Variants in ADGRL3 observed in about 807,000 individuals in gnomAD.
ADGRL3 encodes calcium-independent alpha-latrotoxin receptor 3.
Under a neutral mutation model 153.5 loss-of-function variants are expected in ADGRL3, and 62 were observed. The observed-to-expected ratio is 0.40, with a 90% confidence interval of 0.33 to 0.50. ADGRL3 has a LOEUF of 0.50. Ranked by LOEUF, ADGRL3 falls within the 20% of genes least tolerant of loss-of-function variation. ADGRL3 has a pLI of 0.47. For synonymous variants in ADGRL3, 710 were observed against 672.5 expected (o/e 1.06, Z -0.86); for missense variants, 1,641 against 1,859.4 (o/e 0.88, Z 2.16).
intron 19 of ADGRL3, among the ~76,000 whole-genome samples, chr4:61,984,424 T>C (rs976713071): frequency 6.6e-6 from 1 of 152,084 alleles, no homozygotes. Context: ...ACACCATCAG[T>C]GGCCAGACAC....
intron 11 of ADGRL3, among the ~76,000 whole-genome samples, chr4:61,901,090 G>A (rs763025081): frequency 1.2e-3 from 179 of 152,142 alleles, no homozygotes; most frequent in Non-Finnish European, 1.7e-3. Context: ...GTATAGTTCT[G>A]TATAGCTTCT....
chr4:61,294,662 C>T (rs950605052), intron 1 of ADGRL3, among the ~76,000 whole-genome samples: 12 of 151,972 alleles, frequency 7.9e-5, no homozygotes, highest in African/African-American at 2.7e-4. Context: ...GGCATCTTAT[C>T]ATTGTTGAAA....
Position 62,071,141 on chromosome 4 carries a change from C to G in ADGRL3, c.*233C>G, listed in dbSNP as rs761380302. The G allele has an allele frequency of 5.3e-5, 23 of 431,260 alleles. No homozygotes were observed. Among genetic ancestry groups the G allele is most frequent in the Non-Finnish European group, 9.0e-5 (22 of 243,326 alleles). The allele number at this position is 431,260 out of a possible 1,614,324, so 26.7% of individuals were successfully genotyped here. A position where few individuals can be genotyped will look rare whatever the true frequency, so the allele number is the denominator to read the frequency against. ...CCATCCTTTCTTGTCCTTTCCCCTTCAGATGGAGACTTCATTATGTTAATG... is the reference window on the plus strand; with the variant it reads ...CCATCCTTTCTTGTCCTTTCCCCTTGAGATGGAGACTTCATTATGTTAATG... On this transcript the variant is annotated 3_prime_UTR_variant, in exon 27 of 27. Transcript: ENST00000683033.
At chr4:61,876,031 AATAG>A (rs1008019379) in intron 9 of ADGRL3, among the ~76,000 whole-genome samples, 1 of 152,070 alleles carries the variant, frequency 6.6e-6, no homozygotes, top group Non-Finnish European at 1.5e-5. Context: ...CTAAAAAAAA[AATAG>A]AAAAGAAAAA....
chr4:61,321,876 A>T (rs2095363738), intron 1 of ADGRL3, among the ~76,000 whole-genome samples: 1 of 152,134 alleles, frequency 6.6e-6, no homozygotes, highest in African/African-American at 2.4e-5. Flanking sequence ...AAAATAATAT[A>T]AATTGGTTAG....
At chr4:61,217,719 A>G (rs1286196213) in intron 1 of ADGRL3, among the ~76,000 whole-genome samples, 1 of 152,176 alleles carries the variant, frequency 6.6e-6, no homozygotes, top group Admixed American at 6.5e-5. Flanking sequence ...CTTTGGAGAT[A>G]TGTATCTGTT....
chr4:61,878,294 A>G (rs2098487708), intron 9 of ADGRL3, among the ~76,000 whole-genome samples: 1 of 152,182 alleles, frequency 6.6e-6, no homozygotes, highest in South Asian at 2.1e-4. Flanking sequence ...AGTACTCAAG[A>G]TTAGAACTTC....
At chr4:61,240,339 TG>T (rs1174175685) in intron 1 of ADGRL3, among the ~76,000 whole-genome samples, 1 of 152,128 alleles carries the variant, frequency 6.6e-6, no homozygotes, top group Non-Finnish European at 1.5e-5. Flanking sequence ...ACTGTCACAT[TG>T]GGTCTTAGGT....
intron 8 of ADGRL3, 96 bp from the exon 9 acceptor site, chr4:61,813,713 A>G (rs2097656844): frequency 7.8e-6 from 11 of 1,403,664 alleles, no homozygotes; most frequent in Non-Finnish European, 1.1e-5. Flanking sequence ...CTATTAATTC[A>G]GTTTGGAGTG....
intron 11 of ADGRL3, among the ~76,000 whole-genome samples, chr4:61,900,248 T>G: frequency 6.6e-6 from 1 of 152,206 alleles, no homozygotes; most frequent in East Asian, 1.9e-4. Flanking sequence ...AGTTGCTGAC[T>G]TTAGTTCAAA....
At chr4:61,580,172 C>A (rs921184710) in intron 4 of ADGRL3, among the ~76,000 whole-genome samples, 1 of 149,010 alleles carries the variant, frequency 6.7e-6, no homozygotes, top group African/African-American at 2.4e-5. Context: ...ATGTAAGAAA[C>A]TCTTTTAGAA....
chr4:61,910,174 A>G (rs2098715631), intron 12 of ADGRL3, among the ~76,000 whole-genome samples: 1 of 151,840 alleles, frequency 6.6e-6, no homozygotes, highest in African/African-American at 2.4e-5. Flanking sequence ...TTGTGGAAGA[A>G]TGGATGGATC....
chr4:61,435,813 C>A (rs1204134031), intron 2 of ADGRL3, among the ~76,000 whole-genome samples: 1 of 150,362 alleles, frequency 6.7e-6, no homozygotes, highest in Non-Finnish European at 1.5e-5. Context: ...TCCAATTAGA[C>A]ACCATTATTT....
At chr4:61,953,969 A>T (rs1163094392) in intron 17 of ADGRL3, among the ~76,000 whole-genome samples, 1 of 151,898 alleles carries the variant, frequency 6.6e-6, no homozygotes, top group Non-Finnish European at 1.5e-5. Context: ...TCTCATTGTC[A>T]TTCTGGTCCT....
intron 1 of ADGRL3, among the ~76,000 whole-genome samples, chr4:61,249,933 G>A (rs1758587628): frequency 6.6e-6 from 1 of 152,056 alleles, no homozygotes; most frequent in Admixed American, 6.6e-5. Context: ...TACCATTACT[G>A]TAACATTAAA....
rs548610359 is a variant in ADGRL3, at chr4:61,920,183, T to C, written c.2112+7426T>C. Among the ~76,000 whole-genome samples, 15 of 152,324 alleles carry C rather than the reference T, an allele frequency of 9.8e-5. No homozygotes were observed. In the East Asian group the frequency reaches 1.5e-3, roughly 16 times the overall value. On this transcript the variant is annotated intron_variant, in intron 13 of 26. Coordinates refer to ENST00000683033, the MANE Select transcript of ADGRL3 (RefSeq NM_001387552.1). The stretch of plus-strand genomic sequence containing the variant: ...TAAATACATAGAATATAAATAGATA[T>C]TATTTCTATGCAAATGCAAGAGAAT...
chr4:61,818,521 G>A (rs545858951), intron 9 of ADGRL3, among the ~76,000 whole-genome samples: 1 of 152,312 alleles, frequency 6.6e-6, no homozygotes, highest in African/African-American at 2.4e-5. Context: ...CAGGGCTGAA[G>A]GGGGATGGTG....
At chr4:61,314,139 C>G (rs1273820508) in intron 1 of ADGRL3, among the ~76,000 whole-genome samples, 8 of 151,594 alleles carry the variant, frequency 5.3e-5, no homozygotes, top group Non-Finnish European at 5.9e-5. Context: ...CTGTACTTGT[C>G]TTTTTCTTTA....
At chr4:62,044,778 T>G (rs1459665374) in intron 25 of ADGRL3, among the ~76,000 whole-genome samples, 3 of 150,566 alleles carry the variant, frequency 2.0e-5, no homozygotes, top group African/African-American at 7.5e-5. Flanking sequence ...AATAAAAAAC[T>G]TTTTTTCCTA....
Sources: gnomAD v4.1 joint callset for allele counts (sites outside exome capture counted in the v4.1 genomes callset) on GRCh38, gnomAD v4.1.1 for gene constraint, MANE v1.5 for transcripts, NCBI Gene and HGNC (gene_info 2026-07-23, HGNC 2026-07-21) for gene names.